GALNT13: variants seen among roughly 807,000 people sequenced by gnomAD.
GALNT13 encodes polypeptide N-acetylgalactosaminyltransferase 13.
A neutral mutation model predicts 64.2 loss-of-function variants in GALNT13; 28 were observed. That is an observed-to-expected ratio of 0.44 (90% CI 0.32 to 0.60). The LOEUF (loss-of-function observed/expected upper bound fraction) is 0.60, where lower values mean the gene tolerates loss of function less well. Among genes scored for constraint, GALNT13 ranks in the 20% least tolerant of loss-of-function variants. GALNT13 has a pLI of 0.05. For missense variants in GALNT13, 577 were observed against 669.8 expected, an observed-to-expected ratio of 0.86 and a Z score of 1.53; for synonymous variants, 214 against 224.6, an observed-to-expected ratio of 0.95 and a Z score of 0.42.
chr2:153,993,507 A>G (rs1574284594), intron 3 of GALNT13, among the ~76,000 whole-genome samples: 1 of 151,936 alleles, frequency 6.6e-6, no homozygotes, highest in African/African-American at 2.4e-5. Flanking sequence ...CATCCTGGCT[A>G]ACATGGTGAA....
chr2:153,917,301 T>A (rs1469524602), intron 2 of GALNT13, among the ~76,000 whole-genome samples: 1 of 152,012 alleles, frequency 6.6e-6, no homozygotes, highest in Non-Finnish European at 1.5e-5. Flanking sequence ...GATTGATGGG[T>A]TTTTACGTAG....
the GALNT13 span, among the ~76,000 whole-genome samples, chr2:153,271,562 A>T: frequency 6.6e-6 from 1 of 152,216 alleles, no homozygotes; most frequent in Non-Finnish European, 1.5e-5. Context: ...CTTATAAGGG[A>T]TGAGAAGGAC....
the GALNT13 span, among the ~76,000 whole-genome samples, chr2:153,607,920 C>A: frequency 6.6e-6 from 1 of 151,934 alleles, no homozygotes; most frequent in South Asian, 2.1e-4. Flanking sequence ...AGCTAGATTC[C>A]CTAAAGTTTT....
the GALNT13 span, among the ~76,000 whole-genome samples, chr2:153,339,144 T>C: frequency 4.6e-5 from 7 of 152,338 alleles, no homozygotes; most frequent in Admixed American, 1.3e-4. Context: ...TATCCAGTAA[T>C]GGGATTGGTG....
At chr2:153,526,277 A>G in the GALNT13 span, among the ~76,000 whole-genome samples, 1 of 152,268 alleles carries the variant, frequency 6.6e-6, no homozygotes, top group African/African-American at 2.4e-5. Flanking sequence ...GTTCAGGTCT[A>G]ACCCAGCACA....
chr2:154,040,727 A>G (rs1037443571), intron 3 of GALNT13, among the ~76,000 whole-genome samples: 1 of 140,534 alleles, frequency 7.1e-6, no homozygotes, highest in African/African-American at 2.4e-5. Flanking sequence ...CTATATCAGA[A>G]TGGTTAGTTG....
intron 4 of GALNT13, among the ~76,000 whole-genome samples, chr2:154,143,860 C>CAAAAAAAAA (rs34582475): frequency 1.7e-5 from 1 of 58,904 alleles, no homozygotes; most frequent in Non-Finnish European, 2.7e-5. Context: ...GACTCTGTCT[C>CAAAAAAAAA]AAAAAAAAAA....
At chr2:154,139,366 C>T (rs1396315268) in intron 3 of GALNT13, among the ~76,000 whole-genome samples, 1 of 151,342 alleles carries the variant, frequency 6.6e-6, no homozygotes, top group Non-Finnish European at 1.5e-5. Flanking sequence ...TTCAGTATTT[C>T]AAGGTATGCT....
In GALNT13 at chr2:154,362,993, G is replaced by C. The variant is rs553047998; in HGVS notation, c.1157-32998G>C. On this transcript the variant is annotated intron_variant, in intron 9 of 12. Coordinates refer to ENST00000392825, the MANE Select transcript of GALNT13 (RefSeq NM_052917.4). ...CCAAATTCCTTACACAGCTTTTAAA[G>C]TTGCATTGTACACTGTTTTGCTTTC... Among the ~76,000 whole-genome samples, 3 of 140,688 alleles carry C rather than the reference G, an allele frequency of 2.1e-5. No homozygotes were observed. In the South Asian group the frequency reaches 7.0e-4, roughly 33 times the overall value. The allele number at this position is 140,688 out of a possible 152,430, so 92.3% of individuals were successfully genotyped here. A position where few individuals can be genotyped will look rare whatever the true frequency, so the allele number is the denominator to read the frequency against.
At chr2:153,722,897 C>G in the GALNT13 span, among the ~76,000 whole-genome samples, 3 of 151,174 alleles carry the variant, frequency 2.0e-5, no homozygotes, top group Non-Finnish European at 4.4e-5. Flanking sequence ...TGGTACCATT[C>G]CTTCTGAAAC....
the GALNT13 span, among the ~76,000 whole-genome samples, chr2:153,209,687 A>G: frequency 6.6e-6 from 1 of 152,182 alleles, no homozygotes; most frequent in South Asian, 2.1e-4. Flanking sequence ...ATCAGCCTTT[A>G]TATTTTTACA....
the GALNT13 span, among the ~76,000 whole-genome samples, chr2:153,689,625 A>G: frequency 2.0e-5 from 3 of 152,080 alleles, no homozygotes; most frequent in African/African-American, 4.8e-5. Flanking sequence ...AGGTAGTTTC[A>G]TATCTTTCAG....
intron 3 of GALNT13, among the ~76,000 whole-genome samples, chr2:154,075,381 C>T (rs1226964846): frequency 6.6e-6 from 1 of 151,654 alleles, no homozygotes; most frequent in East Asian, 1.9e-4. Flanking sequence ...AGATAACATC[C>T]ATACCATACA....
At chr2:153,377,384 C>A in the GALNT13 span, among the ~76,000 whole-genome samples, 1 of 151,968 alleles carries the variant, frequency 6.6e-6, no homozygotes, top group South Asian at 2.1e-4. Flanking sequence ...AATTTAATTC[C>A]CAGTGTGGTG....
intron 4 of GALNT13, among the ~76,000 whole-genome samples, chr2:154,151,515 A>G (rs1043019365): frequency 2.2e-4 from 33 of 152,070 alleles, no homozygotes; most frequent in Admixed American, 2.0e-3. Context: ...GATCTGTCTA[A>G]TGTTGACAGT....
At chr2:153,348,815 T>C in the GALNT13 span, among the ~76,000 whole-genome samples, 2 of 152,190 alleles carry the variant, frequency 1.3e-5, no homozygotes, top group African/African-American at 4.8e-5. Flanking sequence ...TGGGATTTAA[T>C]TGTTGCCCGG....
At chr2:153,391,790 A>G in the GALNT13 span, among the ~76,000 whole-genome samples, 2 of 152,070 alleles carry the variant, frequency 1.3e-5, no homozygotes, top group African/African-American at 2.4e-5. Flanking sequence ...TTGGTTTAGA[A>G]GAATGATTAT....
chr2:153,960,721 G>A (rs1692884225), intron 3 of GALNT13, among the ~76,000 whole-genome samples: 1 of 152,152 alleles, frequency 6.6e-6, no homozygotes, highest in Admixed American at 6.5e-5. Flanking sequence ...GCCTTTTTAA[G>A]CTGGTCTTCA....
the GALNT13 span, among the ~76,000 whole-genome samples, chr2:153,645,747 A>G: frequency 6.6e-6 from 1 of 152,076 alleles, no homozygotes; most frequent in Non-Finnish European, 1.5e-5. Flanking sequence ...ACTTATTCCC[A>G]AATATTCCTG....
Sources: allele counts gnomAD v4.1 joint callset (sites outside exome capture counted in the v4.1 genomes callset), GRCh38; gene constraint gnomAD v4.1.1; transcripts MANE v1.5; gene names NCBI Gene and HGNC (gene_info 2026-07-23, HGNC 2026-07-21).